The following LINC01488 variants were observed in gnomAD, a reference collection of about 807,000 sequenced individuals.
LINC01488 encodes CCND1-upstream intergenic DNA repair 1.
chr11:69,488,093 AC>A (rs751998649), intron 1 of LINC01488: 2 of 152,338 alleles, frequency 1.3e-5, no homozygotes, highest in Non-Finnish European at 2.9e-5. Context: ...CATGCACGGC[AC>A]AGGCCTCGAA....
At chr11:69,489,522 CCCATGTG>C (rs1399011184) in intron 1 of LINC01488, among the ~76,000 whole-genome samples, 2 of 152,228 alleles carry the variant, frequency 1.3e-5, no homozygotes, top group Non-Finnish European at 2.9e-5. Context: ...CCACAGGCCT[CCCATGTG>C]GTATTTTTAG....
chr11:69,489,700 C>A (rs746983457), intron 1 of LINC01488, among the ~76,000 whole-genome samples: 1 of 152,222 alleles, frequency 6.6e-6, no homozygotes, highest in Admixed American at 6.5e-5. Context: ...AGGGGCAGGT[C>A]TCATTTGCAA....
chr11:69,485,854 C>T (rs1369421784), intron 1 of LINC01488: 2 of 152,274 alleles, frequency 1.3e-5, no homozygotes, highest in Non-Finnish European at 2.9e-5. Context: ...GTGGTCCTGC[C>T]TGCAGGGGCG....
chr11:69,487,736 TC>T (rs896939192), intron 1 of LINC01488, among the ~76,000 whole-genome samples: 19 of 152,086 alleles, frequency 1.2e-4, no homozygotes, highest in Admixed American at 7.2e-4. Flanking sequence ...CACTCCTGAG[TC>T]CAGGTGGTGC....
intron 1 of LINC01488, among the ~76,000 whole-genome samples, chr11:69,482,527 A>AGTGG (rs1218084571): frequency 4.0e-5 from 6 of 148,574 alleles, no homozygotes; most frequent in African/African-American, 1.5e-4. Context: ...CGGATGGATG[A>AGTGG]ATGGATGGAT....
chr11:69,484,906 A>C (rs1857089423), intron 1 of LINC01488, among the ~76,000 whole-genome samples: 1 of 152,200 alleles, frequency 6.6e-6, no homozygotes. Context: ...TTTTCTCTGA[A>C]GGCAGAGAAT....
At chr11:69,489,067 C>T (rs1261327396) in intron 1 of LINC01488, among the ~76,000 whole-genome samples, 1 of 152,186 alleles carries the variant, frequency 6.6e-6, no homozygotes, top group South Asian at 2.1e-4. Context: ...GAAGCTATGC[C>T]TTGGTCTAAG....
At chr11:69,483,558 T>C (rs778426665) in intron 1 of LINC01488, among the ~76,000 whole-genome samples, 59 of 152,244 alleles carry the variant, frequency 3.9e-4, no homozygotes, top group Non-Finnish European at 3.8e-4. Flanking sequence ...AGGCTGAAGG[T>C]AGAACAGCGT....
chr11:69,489,861 C>T (rs942566904), intron 1 of LINC01488, among the ~76,000 whole-genome samples: 15 of 152,170 alleles, frequency 9.9e-5, no homozygotes, highest in Non-Finnish European at 1.8e-4. Context: ...AGCCCCATCC[C>T]GACACTCTCA....
At chr11:69,482,547 A>T (rs1202064644) in intron 1 of LINC01488, among the ~76,000 whole-genome samples, 1 of 141,200 alleles carries the variant, frequency 7.1e-6, no homozygotes, top group Non-Finnish European at 1.5e-5. Flanking sequence ...TGATGAGTGG[A>T]TGGATGAGTA....
chr11:69,487,047 C>T (rs572548618), intron 1 of LINC01488, among the ~76,000 whole-genome samples: 46 of 152,360 alleles, frequency 3.0e-4, no homozygotes, highest in African/African-American at 1.1e-3. Flanking sequence ...CCTGCCAGCG[C>T]GGCCCAGCCA....
At position 69,482,542 on chromosome 11, in the gene LINC01488, A is replaced by AGTGGATGGATGAGTAG. The variant is rs1175709399; in HGVS notation, n.122+799_122+814dup. Among the ~76,000 whole-genome samples, 17 of 144,710 alleles carry AGTGGATGGATGAGTAG rather than the reference A, an allele frequency of 1.2e-4. No homozygotes were observed. The South Asian group carries it at 2.5e-3, about 21-fold the overall frequency. The allele number at this position is 144,710 out of a possible 152,430, so 94.9% of individuals were successfully genotyped here. A position where few individuals can be genotyped will look rare whatever the true frequency, so the allele number is the denominator to read the frequency against. On this transcript the variant is annotated intron_variant and non_coding_transcript_variant, in intron 1 of 3. Transcript: ENST00000644563. Reference sequence around the variant, plus strand: ...CGGATGGATGAATGGATGGATGATGAGTGGATGGATGAGTAGGTGGATGGA... The same window carrying AGTGGATGGATGAGTAG: ...CGGATGGATGAATGGATGGATGATGAGTGGATGGATGAGTAGGTGGATGGATGAGTAGGTGGATGGA...
At chr11:69,484,130 T>C (rs1857078451) in intron 1 of LINC01488, among the ~76,000 whole-genome samples, 2 of 152,188 alleles carry the variant, frequency 1.3e-5, no homozygotes, top group African/African-American at 4.8e-5. Flanking sequence ...GAGGGTGCTC[T>C]TGGGGTGCCC....
intron 1 of LINC01488, among the ~76,000 whole-genome samples, chr11:69,482,299 A>G (rs368529603): frequency 1.3e-5 from 2 of 152,224 alleles, no homozygotes; most frequent in African/African-American, 4.8e-5. Flanking sequence ...AACCGCCCCC[A>G]TGATTCAATT....
At chr11:69,484,267 G>A (rs540152295) in intron 1 of LINC01488, among the ~76,000 whole-genome samples, 7 of 152,304 alleles carry the variant, frequency 4.6e-5, no homozygotes, top group Admixed American at 1.3e-4. Flanking sequence ...GAGAGTCAGC[G>A]CTGCCCGGTG....
chr11:69,483,126 C>T, intron 1 of LINC01488, among the ~76,000 whole-genome samples: 1 of 152,206 alleles, frequency 6.6e-6, no homozygotes, highest in Non-Finnish European at 1.5e-5. Context: ...TGTGGGTACT[C>T]ATGACTTCCC....
intron 1 of LINC01488, among the ~76,000 whole-genome samples, chr11:69,484,703 T>C (rs2134966455): frequency 6.6e-6 from 1 of 152,364 alleles, no homozygotes; most frequent in African/African-American, 2.4e-5. Context: ...ACGCAGCTGC[T>C]GAGCCCTGCT....
At chr11:69,483,155 C>T (rs1340399738) in intron 1 of LINC01488, among the ~76,000 whole-genome samples, 3 of 151,090 alleles carry the variant, frequency 2.0e-5, no homozygotes, top group Non-Finnish European at 4.4e-5. Context: ...AGCAATGCTA[C>T]CCAGAGCAGG....
At chr11:69,490,755 T>C (rs1269379947) in intron 2 of LINC01488, 2 of 152,210 alleles carry the variant, frequency 1.3e-5, no homozygotes, top group South Asian at 4.1e-4. Flanking sequence ...TGGTCCCCAG[T>C]TGACAGTGTC....
Sources: gnomAD v4.1 joint callset for allele counts (sites outside exome capture counted in the v4.1 genomes callset) on GRCh38, gnomAD v4.1.1 for gene constraint, MANE v1.5 for transcripts, NCBI Gene and HGNC (gene_info 2026-07-23, HGNC 2026-07-21) for gene names.